ARL9: variants seen among roughly 807,000 people sequenced by gnomAD.
ARL9 encodes the protein ARF like GTPase 9.
Under a neutral mutation model 27.0 loss-of-function variants are expected in ARL9, and 14 were observed. That is an observed-to-expected ratio of 0.52 (90% CI 0.34 to 0.81). The LOEUF (loss-of-function observed/expected upper bound fraction) is 0.81, where lower values mean the gene tolerates loss of function less well. Among genes scored for constraint, ARL9 ranks in the 30% least tolerant of loss-of-function variants. The pLI is 0.01. For synonymous variants in ARL9, 106 were observed against 108.7 expected, an observed-to-expected ratio of 0.98 and a Z score of 0.15; for missense variants, 294 against 290.0, an observed-to-expected ratio of 1.01 and a Z score of -0.10.
intron 2 of ARL9, among the ~76,000 whole-genome samples, chr4:56,518,070 T>C (rs1409554501): frequency 6.6e-6 from 1 of 152,044 alleles, no homozygotes; most frequent in Non-Finnish European, 1.5e-5. Flanking sequence ...CACAGCTCAT[T>C]GTAGCCCTGT....
intron 3 of ARL9, among the ~76,000 whole-genome samples, chr4:56,520,368 C>A (rs571807245): frequency 5.9e-5 from 9 of 152,224 alleles, no homozygotes; most frequent in African/African-American, 2.2e-4. Flanking sequence ...CATGGATGAA[C>A]CTTGAGAACA....
intron 2 of ARL9, among the ~76,000 whole-genome samples, chr4:56,512,280 T>G (rs1721656203): frequency 6.6e-6 from 1 of 152,200 alleles, no homozygotes; most frequent in South Asian, 2.1e-4. Flanking sequence ...ATTTGCTAAT[T>G]TAAAACTCTT....
At chr4:56,505,343 A>G (rs776707457), upstream of ARL9, 15 of 456,316 alleles carry the variant, frequency 3.3e-5, no homozygotes, top group Middle Eastern at 6.5e-4. Context: ...CATGGTTGGG[A>G]GCTGAGGGAA....
chr4:56,512,748 G>A (rs1419299842), intron 2 of ARL9, among the ~76,000 whole-genome samples: 1 of 151,780 alleles, frequency 6.6e-6, no homozygotes, highest in Non-Finnish European at 1.5e-5. Flanking sequence ...CACCATGTTG[G>A]CCAGGCTGGT....
Position 56,518,317 on chromosome 4 carries a change from G to A in ARL9, c.443-361G>A, listed in dbSNP as rs543367931. Among the ~76,000 whole-genome samples, 4 of 152,234 alleles carry A rather than the reference G, an allele frequency of 2.6e-5. No individual in the cohort carries two copies. In the South Asian group the frequency reaches 6.2e-4, roughly 24 times the overall value. On this transcript the variant is annotated intron_variant, in intron 2 of 3. Coordinates refer to ENST00000640821, the MANE Select transcript of ARL9 (RefSeq NM_001363794.2). ...CTCCCAAAATGTTGGGATTACAGGCGTGAGCAACTGCACCTGGCCTTACTC... is the reference window on the plus strand; with the variant it reads ...CTCCCAAAATGTTGGGATTACAGGCATGAGCAACTGCACCTGGCCTTACTC...
At chr4:56,512,102 T>G (rs1458372811) in intron 2 of ARL9, among the ~76,000 whole-genome samples, 2 of 152,250 alleles carry the variant, frequency 1.3e-5, no homozygotes, top group African/African-American at 4.8e-5. Flanking sequence ...CTATGAATTT[T>G]GCTATCTCCA....
upstream of ARL9, chr4:56,505,627 G>A: frequency 6.2e-6 from 4 of 641,814 alleles, no homozygotes; most frequent in South Asian, 7.7e-5. Context: ...GTACGCCTCC[G>A]CCCTTCCCTC....
chr4:56,505,972 AAATT>A lies in ARL9; in HGVS notation c.113_116del (p.Ile38AsnfsTer47). ...GTGAAAAGAAAGGAGGTGGAGCAGAAAATTAAACAAAAGCAAGAGAAGCAGGAGA... is the reference window on the plus strand; with the variant it reads ...GTGAAAAGAAAGGAGGTGGAGCAGAAAAACAAAAGCAAGAGAAGCAGGAGA... On this transcript the variant is annotated frameshift_variant, in exon 1 of 4. Coordinates refer to ENST00000640821, the MANE Select transcript of ARL9 (RefSeq NM_001363794.2). LOFTEE classifies it high-confidence loss of function. The A allele has an allele frequency of 8.3e-7, 1 of 1,207,492 alleles. No individual in the cohort carries two copies. Among genetic ancestry groups the A allele is most frequent in the African/African-American group, 1.6e-5 (1 of 62,284 alleles). 74.8% of individuals were successfully genotyped at this position (1,207,492 alleles called of 1,614,324 possible).
chr4:56,505,883 GAAGA>G lies in ARL9; in HGVS notation c.26_29del (p.Lys9ArgfsTer20), dbSNP rs1167885461. ...TGGGGATGGAGAGGGGGAAAGTGAA[GAAGA>G]AAGAGAAGGAAAAGGAGACGCAGGA... is the stretch of plus-strand genomic sequence containing the variant. On this transcript the variant is annotated frameshift_variant, in exon 1 of 4. Transcript: ENST00000640821. LOFTEE classifies it high-confidence loss of function. 62 of 1,260,706 alleles carry G rather than the reference GAAGA, an allele frequency of 4.9e-5. No homozygotes were observed. Among genetic ancestry groups the G allele is most frequent in the Non-Finnish European group, 6.2e-5 (62 of 1,004,520 alleles). 78.1% of individuals were successfully genotyped at this position (1,260,706 alleles called of 1,614,324 possible).
intron 1 of ARL9, among the ~76,000 whole-genome samples, chr4:56,510,554 C>T (rs564815987): frequency 1.3e-4 from 20 of 151,994 alleles, no homozygotes; most frequent in Non-Finnish European, 2.6e-4. Flanking sequence ...TTCATAGACA[C>T]GAATTCAAGA....
At chr4:56,511,787 T>C (rs537261469) in intron 2 of ARL9, among the ~76,000 whole-genome samples, 1 of 152,330 alleles carries the variant, frequency 6.6e-6, no homozygotes, top group Non-Finnish European at 1.5e-5. Flanking sequence ...TAAATATTAC[T>C]GTCTCCTGAA....
intron 1 of ARL9, 85 bp downstream of exon 1, chr4:56,506,226 G>GCCCC (rs1553949175): frequency 8.3e-7 from 1 of 1,203,034 alleles, no homozygotes; most frequent in East Asian, 3.2e-5. Context: ...TACGTCGGAG[G>GCCCC]CCCCCGACCG....
chr4:56,520,428 C>A (rs1273027193), intron 3 of ARL9, among the ~76,000 whole-genome samples: 10 of 152,070 alleles, frequency 6.6e-5, no homozygotes, highest in Non-Finnish European at 1.0e-4. Flanking sequence ...CTATATGATT[C>A]CATTTATACG....
chr4:56,515,765 A>G (rs189585436), intron 2 of ARL9, among the ~76,000 whole-genome samples: 1 of 152,362 alleles, frequency 6.6e-6, no homozygotes, highest in Non-Finnish European at 1.5e-5. Context: ...GTGTCTATCT[A>G]TAAAGAGAAA....
chr4:56,505,470 G>A, upstream of ARL9: 1 of 466,840 alleles, frequency 2.1e-6, no homozygotes, highest in Non-Finnish European at 4.3e-6. Flanking sequence ...TTAGACTGCG[G>A]CCCACGTGGA....
At chr4:56,520,319 C>A (rs1307465396) in intron 3 of ARL9, among the ~76,000 whole-genome samples, 6 of 152,044 alleles carry the variant, frequency 3.9e-5, no homozygotes, top group Non-Finnish European at 8.8e-5. Context: ...GGATCTTGTT[C>A]AGCCTTAAAA....
intron 1 of ARL9, among the ~76,000 whole-genome samples, chr4:56,510,809 G>C (rs1408771974): frequency 7.0e-6 from 1 of 143,580 alleles, no homozygotes; most frequent in Non-Finnish European, 1.5e-5. Flanking sequence ...GTCTCACTCT[G>C]TTCCCCAGGC....
At chr4:56,521,204 C>T (rs1721905359) in intron 3 of ARL9, among the ~76,000 whole-genome samples, 1 of 146,314 alleles carries the variant, frequency 6.8e-6, no homozygotes, top group South Asian at 2.2e-4. Context: ...GAGTGACACT[C>T]CGCCCCAAAA....
intron 3 of ARL9, among the ~76,000 whole-genome samples, chr4:56,520,965 A>G (rs781068904): frequency 6.6e-6 from 1 of 152,072 alleles, no homozygotes; most frequent in Non-Finnish European, 1.5e-5. Flanking sequence ...TAATCCCAGC[A>G]CTTTGGGAGG....
Sources: allele counts gnomAD v4.1 joint callset (sites outside exome capture counted in the v4.1 genomes callset), GRCh38; gene constraint gnomAD v4.1.1; transcripts MANE v1.5; gene names NCBI Gene and HGNC (gene_info 2026-07-23, HGNC 2026-07-21).